LOXL2: variants seen among roughly 807,000 people sequenced by gnomAD.
LOXL2 encodes lysyl oxidase like 2, also known as lysyl oxidase homolog 2.
Under a neutral mutation model 93.0 loss-of-function variants are expected in LOXL2, and 70 were observed. That is an observed-to-expected ratio of 0.75 (90% CI 0.62 to 0.92). LOXL2 has a LOEUF of 0.92. Ranked by LOEUF, LOXL2 falls within the 40% of genes least tolerant of loss-of-function variation. The probability of loss-of-function intolerance (pLI) is 0.00; values close to 1 mark genes in which losing one functional copy is unlikely to be tolerated. For synonymous variants in LOXL2, 438 were observed against 413.2 expected (o/e 1.06, Z -0.73); for missense variants, 973 against 1,054.9 (o/e 0.92, Z 1.08).
intron 5 of LOXL2, 117 bp from the exon 6 acceptor site, chr8:23,328,682 G>C: frequency 1.1e-6 from 1 of 871,608 alleles, no homozygotes; most frequent in Non-Finnish European, 1.8e-6. Context: ...ACTCAGTCTG[G>C]GAGCTGCAAC....
At chr8:23,333,691 A>T in intron 4 of LOXL2, 68 bp from the exon 5 acceptor site, 1 of 1,287,612 alleles carries the variant, frequency 7.8e-7, no homozygotes, top group Non-Finnish European at 1.1e-6. Context: ...TTCTGCAACG[A>T]GGCAGAACAT....
chr8:23,367,623 C>G (rs79691538), intron 2 of LOXL2, among the ~76,000 whole-genome samples: 1 of 149,082 alleles, frequency 6.7e-6, no homozygotes, highest in Admixed American at 6.6e-5. Flanking sequence ...TCTGGGCTGA[C>G]GCAGCCCCCA....
At chr8:23,327,706 G>T (rs1482865459) in intron 6 of LOXL2, among the ~76,000 whole-genome samples, 1 of 152,184 alleles carries the variant, frequency 6.6e-6, no homozygotes, top group Admixed American at 6.5e-5. Flanking sequence ...AGGATAAATG[G>T]TGGTCGTGGG....
At chr8:23,315,169 C>A (rs866186685) in intron 9 of LOXL2, among the ~76,000 whole-genome samples, 1 of 152,050 alleles carries the variant, frequency 6.6e-6, no homozygotes, top group Non-Finnish European at 1.5e-5. Context: ...CAGGCAGCAA[C>A]AGTGGCAGGG....
intron 1 of LOXL2, among the ~76,000 whole-genome samples, chr8:23,371,836 G>A (rs1804501609): frequency 6.7e-6 from 1 of 149,384 alleles, no homozygotes; most frequent in Non-Finnish European, 1.5e-5. Context: ...TGGAGCTCAA[G>A]TGGTTTGAGG....
chr8:23,299,224 A>T (rs1170475106), intron 12 of LOXL2, among the ~76,000 whole-genome samples: 1 of 152,156 alleles, frequency 6.6e-6, no homozygotes, highest in Non-Finnish European at 1.5e-5. Context: ...GAAGGGGGTC[A>T]CCCACTCCTG....
chr8:23,373,686 G>C (rs965855662), intron 1 of LOXL2, among the ~76,000 whole-genome samples: 1 of 152,130 alleles, frequency 6.6e-6, no homozygotes, highest in Non-Finnish European at 1.5e-5. Context: ...GGTAGGCACT[G>C]TTATTATCCT....
In LOXL2 at chr8:23,346,186, A is replaced by AT. The variant is rs1563197481; in HGVS notation, c.532-4984_532-4983insA. Among the ~76,000 whole-genome samples, 207 of 111,540 alleles carry AT rather than the reference A, an allele frequency of 1.9e-3. 1 individual carries two copies. Among genetic ancestry groups the AT allele is most frequent in the African/African-American group, 8.2e-3 (174 of 21,100 alleles). 73.2% of individuals were successfully genotyped at this position (111,540 alleles called of 152,430 possible). On this transcript the variant is annotated intron_variant, in intron 3 of 13. Coordinates refer to ENST00000389131, the MANE Select transcript of LOXL2 (RefSeq NM_002318.3). ...AATAAAATAAAATAAATAAAATAAT[A>AT]AAATAAAATAAAATAAAATAAATAA...
At chr8:23,336,658 C>T (rs1273089252) in intron 4 of LOXL2, 3 of 152,270 alleles carry the variant, frequency 2.0e-5, no homozygotes, top group Non-Finnish European at 4.4e-5. Context: ...CTGCCAGCTG[C>T]TGAGTACATC....
intron 5 of LOXL2, chr8:23,329,264 C>T (rs1803636189): frequency 6.6e-6 from 1 of 152,196 alleles, no homozygotes; most frequent in African/African-American, 2.4e-5. Context: ...GCATGCCCAG[C>T]CTCCCTCAAT....
intron 9 of LOXL2, among the ~76,000 whole-genome samples, chr8:23,312,081 G>T (rs113241169): frequency 1.3e-5 from 2 of 152,186 alleles, no homozygotes; most frequent in African/African-American, 2.4e-5. Context: ...CACATACACC[G>T]TCCCAAGACT....
chr8:23,385,686 G>A, intron 1 of LOXL2: 1 of 520,342 alleles, frequency 1.9e-6, no homozygotes, highest in Non-Finnish European at 3.5e-6. Context: ...CCTCTCGTCT[G>A]GATGAGCACT....
chr8:23,329,916 G>C, intron 5 of LOXL2, among the ~76,000 whole-genome samples: 1 of 152,138 alleles, frequency 6.6e-6, no homozygotes, highest in East Asian at 1.9e-4. Context: ...TGGGGTGCTG[G>C]GACAGCACCC....
intron 3 of LOXL2, among the ~76,000 whole-genome samples, chr8:23,358,287 G>A (rs979073884): frequency 6.6e-6 from 1 of 152,226 alleles, no homozygotes; most frequent in Non-Finnish European, 1.5e-5. Flanking sequence ...CTCCTCCACA[G>A]CTGAGAGAAG....
chr8:23,367,652 GA>G (rs1804426608), intron 2 of LOXL2, among the ~76,000 whole-genome samples: 1 of 152,216 alleles, frequency 6.6e-6, no homozygotes, highest in African/African-American at 2.4e-5. Flanking sequence ...ATATGGGGCG[GA>G]GAGAGGAGCA....
At chr8:23,330,609 G>GT (rs5890100) in intron 5 of LOXL2, among the ~76,000 whole-genome samples, 83,815 of 151,904 alleles carry the variant, frequency 0.55, 23,270 homozygotes, top group Non-Finnish European at 0.58. Flanking sequence ...AAAATATGAT[G>GT]TAAGGCACGC....
At chr8:23,396,929 C>T (rs796733218) in intron 1 of LOXL2, among the ~76,000 whole-genome samples, 9 of 152,264 alleles carry the variant, frequency 5.9e-5, no homozygotes, top group African/African-American at 2.2e-4. Context: ...AGCATTATTC[C>T]CAGTCACCAA....
At position 23,306,103 on chromosome 8, in the gene LOXL2, G is replaced by A. The variant is rs1019102513; in HGVS notation, c.1881-2706C>T. ...TGTGATTACAGGTGTGAGCCACTGC[G>A]TCCATCCCAGAGCTCAGTGTTTTAA... On this transcript the variant is annotated intron_variant, in intron 10 of 13. Coordinates refer to ENST00000389131, the MANE Select transcript of LOXL2 (RefSeq NM_002318.3). Among the ~76,000 whole-genome samples the A allele has an allele frequency of 4.6e-5, 7 of 152,276 alleles. No homozygotes were observed. The East Asian group carries it at 9.7e-4, about 21-fold the overall frequency.
intron 6 of LOXL2, among the ~76,000 whole-genome samples, chr8:23,323,290 C>T (rs750458355): frequency 4.6e-5 from 7 of 152,344 alleles, no homozygotes; most frequent in Non-Finnish European, 7.4e-5. Flanking sequence ...GGCACAGAGA[C>T]AGTCAGGAGA....
Sources: allele counts gnomAD v4.1 joint callset (sites outside exome capture counted in the v4.1 genomes callset), GRCh38; gene constraint gnomAD v4.1.1; transcripts MANE v1.5; gene names NCBI Gene and HGNC (gene_info 2026-07-23, HGNC 2026-07-21).